GPATCH8: variants seen among roughly 807,000 people sequenced by gnomAD.
The protein encoded by GPATCH8 is G patch domain-containing protein 8.
GPATCH8 carries 18 observed loss-of-function variants against 118.3 expected under a neutral mutation model. That is an observed-to-expected ratio of 0.15 (90% confidence interval 0.11 to 0.23). The LOEUF (loss-of-function observed/expected upper bound fraction) is 0.23. GPATCH8 is among the 10% of genes least tolerant of loss of function. GPATCH8 has a pLI of 1.00. For missense variants in GPATCH8, 1,631 were observed against 1,873.8 expected (o/e 0.87, Z 2.39); for synonymous variants, 659 against 684.7 (o/e 0.96, Z 0.59).
chr17:44,481,860 A>G (rs1019294950), intron 1 of GPATCH8, among the ~76,000 whole-genome samples: 1 of 152,158 alleles, frequency 6.6e-6, no homozygotes, highest in Non-Finnish European at 1.5e-5. Flanking sequence ...GGTGGCTTAC[A>G]CCTGTAATCC....
At chr17:44,415,202 C>T (rs149832844) in intron 6 of GPATCH8, among the ~76,000 whole-genome samples, 3 of 152,320 alleles carry the variant, frequency 2.0e-5, no homozygotes, top group Non-Finnish European at 4.4e-5. Context: ...TTGATATCTT[C>T]TCCAACACTT....
In GPATCH8 at chr17:44,398,912, T is replaced by G; in HGVS notation, c.3165A>C (p.Gly1055=). ...EGPGKKDDGR[G]DDSKATGPPS... ...GTGGACCTGTTGCTTTACTGTCATC[T>G]CCTCTGCCATCATCTTTCTTCCCAG... The change falls in exon 8 of 8, where the codon GGA becomes GGC. Residue 1055 remains glycine (G), a synonymous_variant. Transcript: ENST00000591680. 6.2e-7 allele frequency: 1 copy of G among 1,614,170 alleles called. No homozygotes were observed. Among genetic ancestry groups the G allele is most frequent in the Non-Finnish European group, 8.5e-7 (1 of 1,180,018 alleles).
At position 44,396,865 on chromosome 17, in the gene GPATCH8, C is replaced by T. The variant is rs1218883792; in HGVS notation, c.*703G>A. On this transcript the variant is annotated 3_prime_UTR_variant, in exon 8 of 8. Coordinates refer to ENST00000591680, the MANE Select transcript of GPATCH8 (RefSeq NM_001002909.4). ...TTAGACACATGAGCTCCTCTCTGGG[C>T]CATACAGCTTTTATTCATGATAGGA... 1 of 454,178 alleles carries T rather than the reference C, an allele frequency of 2.2e-6. No homozygotes were observed. Among genetic ancestry groups the T allele is most frequent in the Non-Finnish European group, 4.4e-6 (1 of 226,784 alleles). The allele number at this position is 454,178 out of a possible 1,614,324, so 28.1% of individuals were successfully genotyped here.
chr17:44,442,196 T>C (rs2050723956), intron 3 of GPATCH8, among the ~76,000 whole-genome samples: 1 of 134,002 alleles, frequency 7.5e-6, no homozygotes, highest in Non-Finnish European at 1.6e-5. Flanking sequence ...TTCTGGGCAC[T>C]GCATATAGTG....
Position 44,464,465 on chromosome 17 carries a change from C to A in GPATCH8, c.193+7G>T. ...TTCCTTTTTCTCTGGTAAATGTAAA[C>A]ACTTACCCTGAAGAGATTTTCCCAA... On this transcript the variant is annotated splice_region_variant and intron_variant, in intron 3 of 7. Transcript: ENST00000591680. 1 of 1,504,648 alleles carries A rather than the reference C, an allele frequency of 6.6e-7. No homozygotes were observed. Among genetic ancestry groups the A allele is most frequent in the Non-Finnish European group, 9.3e-7 (1 of 1,080,328 alleles). The allele number at this position is 1,504,648 out of a possible 1,614,324, so 93.2% of individuals were successfully genotyped here.
chr17:44,411,895 C>T (rs1344494521), intron 6 of GPATCH8, among the ~76,000 whole-genome samples: 1 of 152,072 alleles, frequency 6.6e-6, no homozygotes, highest in Admixed American at 6.6e-5. Context: ...GAGTCCAAGA[C>T]CAGTCTGGGC....
chr17:44,436,029 CAAAA>C (rs1157048818), intron 4 of GPATCH8, among the ~76,000 whole-genome samples: 350 of 41,822 alleles, frequency 8.4e-3, no homozygotes, highest in African/African-American at 0.03. Context: ...AACTCCATCT[CAAAA>C]AAAAAAAAAA....
chr17:44,491,662 A>G (rs1456811253), intron 1 of GPATCH8, among the ~76,000 whole-genome samples: 1 of 152,094 alleles, frequency 6.6e-6, no homozygotes, highest in Non-Finnish European at 1.5e-5. Flanking sequence ...TGCTTGGGCC[A>G]CAAAAGAAGA....
intron 4 of GPATCH8, among the ~76,000 whole-genome samples, chr17:44,435,411 C>CTTTTTTTTT (rs566253126): frequency 1.6e-4 from 16 of 99,752 alleles, no homozygotes; most frequent in Non-Finnish European, 2.3e-4. Context: ...TCTTTCTTTC[C>CTTTTTTTTT]TTTTTTTTTT....
At chr17:44,491,270 C>T (rs2144471910) in intron 1 of GPATCH8, among the ~76,000 whole-genome samples, 1 of 152,214 alleles carries the variant, frequency 6.6e-6, no homozygotes, top group Non-Finnish European at 1.5e-5. Flanking sequence ...GCAGGTGGAT[C>T]ACAAGGTCAG....
At chr17:44,425,891 T>C (rs922958697) in intron 5 of GPATCH8, among the ~76,000 whole-genome samples, 2 of 152,142 alleles carry the variant, frequency 1.3e-5, no homozygotes, top group African/African-American at 4.8e-5. Context: ...AAAACAGCTT[T>C]GATTTTCTTC....
At chr17:44,467,113 G>T in intron 2 of GPATCH8, 1 of 1,259,778 alleles carries the variant, frequency 7.9e-7, no homozygotes, top group Non-Finnish European at 1.0e-6. Context: ...TTAAAAACTG[G>T]GCTGTCAAAA....
At chr17:44,485,014 C>T (rs1968662789) in intron 1 of GPATCH8, among the ~76,000 whole-genome samples, 1 of 151,860 alleles carries the variant, frequency 6.6e-6, no homozygotes, top group African/African-American at 2.4e-5. Context: ...TGGGTTCCAT[C>T]ATGTAGCCCA....
At chr17:44,441,435 G>A (rs2050684631) in intron 3 of GPATCH8, among the ~76,000 whole-genome samples, 1 of 152,222 alleles carries the variant, frequency 6.6e-6, no homozygotes, top group Non-Finnish European at 1.5e-5. Context: ...AACAAATATT[G>A]AGTTTTGGCT....
intron 2 of GPATCH8, chr17:44,466,044 A>G (rs898716148): frequency 6.6e-6 from 1 of 152,074 alleles, no homozygotes; most frequent in African/African-American, 2.4e-5. Context: ...CTGATACAGC[A>G]TCTTGCTCTG....
At chr17:44,415,440 A>G (rs967786575) in intron 6 of GPATCH8, among the ~76,000 whole-genome samples, 1 of 152,206 alleles carries the variant, frequency 6.6e-6, no homozygotes, top group South Asian at 2.1e-4. Flanking sequence ...AAATGCTCCA[A>G]TAAACACTTC....
chr17:44,437,068 T>G (rs1294605050), intron 3 of GPATCH8, among the ~76,000 whole-genome samples: 1 of 152,246 alleles, frequency 6.6e-6, no homozygotes, highest in Non-Finnish European at 1.5e-5. Flanking sequence ...CTTTACAATT[T>G]TTTTTGATGT....
Position 44,410,917 on chromosome 17 carries a change from GA to G in GPATCH8, c.493-4867del, listed in dbSNP as rs564156347. On this transcript the variant is annotated intron_variant, in intron 6 of 7. Coordinates refer to ENST00000591680, the MANE Select transcript of GPATCH8 (RefSeq NM_001002909.4). ...TTTGGGTTAAAGACCACTCTAAATG[GA>G]AATGATATTCCAGTTCTTAAAACAT... is the stretch of plus-strand genomic sequence containing the variant. Among the ~76,000 whole-genome samples, 758 of 152,280 alleles carry G rather than the reference GA, an allele frequency of 5.0e-3. 1 individual carries two copies. Among genetic ancestry groups the G allele is most frequent in the Non-Finnish European group, 9.1e-3 (617 of 68,014 alleles).
intron 5 of GPATCH8, among the ~76,000 whole-genome samples, chr17:44,428,601 A>G (rs1283112487): frequency 6.6e-6 from 1 of 151,394 alleles, no homozygotes; most frequent in Non-Finnish European, 1.5e-5. Flanking sequence ...CTAGGAGTTC[A>G]AAACCAGCCT....
Sources: gnomAD v4.1 joint callset for allele counts (sites outside exome capture counted in the v4.1 genomes callset) on GRCh38, gnomAD v4.1.1 for gene constraint, MANE v1.5 for transcripts, NCBI Gene and HGNC (gene_info 2026-07-23, HGNC 2026-07-21) for gene names.